Variants in C22orf31 observed in about 807,000 individuals in gnomAD.
C22orf31 encodes uncharacterized protein C22orf31.
In C22orf31, 11 loss-of-function variants were observed where a neutral mutation model predicts 15.0. The observed-to-expected ratio is 0.73, with a 90% CI of 0.46 to 1.21. The LOEUF is 1.21. Among genes scored for constraint, C22orf31 ranks in the 50% most tolerant of loss-of-function variants. The pLI, the probability that C22orf31 is intolerant of heterozygous loss-of-function variation, is 0.00. For synonymous variants in C22orf31, 132 were observed against 133.3 expected, an observed-to-expected ratio of 0.99 and a Z score of 0.07; for missense variants, 340 against 347.2, an observed-to-expected ratio of 0.98 and a Z score of 0.17.
intron 1 of C22orf31, 75 bp from the exon 2 acceptor site, chr22:29,060,918 G>T: frequency 8.1e-7 from 1 of 1,232,534 alleles, no homozygotes; most frequent in Non-Finnish European, 1.1e-6. Flanking sequence ...CTACTTTGAA[G>T]GCAAAATATT....
At chr22:29,066,745 G>A (rs1331332558), upstream of C22orf31, among the ~76,000 whole-genome samples, 2 of 151,398 alleles carry the variant, frequency 1.3e-5, no homozygotes, top group Admixed American at 1.3e-4. Context: ...ATTTTTAGTA[G>A]AGACAGGGTT....
chr22:29,064,978 C>T (rs375547418), upstream of C22orf31, among the ~76,000 whole-genome samples: 94 of 152,044 alleles, frequency 6.2e-4, 1 homozygote, highest in Middle Eastern at 0.014. Context: ...CTCAGCCTCC[C>T]GAGTAGCTGA....
chr22:29,062,272 C>T (rs1302140967), upstream of C22orf31, among the ~76,000 whole-genome samples: 1 of 152,030 alleles, frequency 6.6e-6, no homozygotes, highest in Non-Finnish European at 1.5e-5. Context: ...TGCAAAAGTG[C>T]CCTCCTTCAT....
At chr22:29,070,988 T>G in the C22orf31 span, among the ~76,000 whole-genome samples, 2 of 152,214 alleles carry the variant, frequency 1.3e-5, no homozygotes, top group African/African-American at 4.8e-5. Context: ...TGCTTTGGGC[T>G]GAGAGCTTCA....
chr22:29,066,402 T>C (rs1357687492), upstream of C22orf31, among the ~76,000 whole-genome samples: 7 of 152,300 alleles, frequency 4.6e-5, no homozygotes, highest in East Asian at 1.3e-3. Context: ...TTGGACCACA[T>C]GTGCTGAATA....
the C22orf31 span, among the ~76,000 whole-genome samples, chr22:29,071,770 CG>C: frequency 3.8e-4 from 57 of 151,876 alleles, no homozygotes; most frequent in Non-Finnish European, 6.9e-4. Context: ...GGGGTCGGGG[CG>C]GGGGGAGGCG....
At chr22:29,060,991 T>G (rs1417101295) in intron 1 of C22orf31, 148 bp from the exon 2 acceptor site, 1 of 647,710 alleles carries the variant, frequency 1.5e-6, no homozygotes, top group Admixed American at 3.0e-5. Context: ...TGTCCTCTCC[T>G]GTTCACCAAA....
At chr22:29,059,246 C>T (rs2037356037) in intron 2 of C22orf31, 64 bp from the exon 3 acceptor site, 1 of 1,248,722 alleles carries the variant, frequency 8.0e-7, no homozygotes, top group Non-Finnish European at 1.1e-6. Flanking sequence ...GAATAATTAT[C>T]TGGGATTTGT....
At chr22:29,071,196 GTGA>G in the C22orf31 span, among the ~76,000 whole-genome samples, 1 of 152,174 alleles carries the variant, frequency 6.6e-6, no homozygotes, top group African/African-American at 2.4e-5. Flanking sequence ...GGCTGGCTGG[GTGA>G]GGGGATGGTG....
chr22:29,059,132 C>T lies in C22orf31; in HGVS notation c.483G>A (p.Glu161=). ...CAGCCACATGTTCAGCATATCTGTCCTCAAGATCTTGGCGGACTGTTAGTT... is the reference window on the plus strand; with the variant it reads ...CAGCCACATGTTCAGCATATCTGTCTTCAAGATCTTGGCGGACTGTTAGTT... ...EKKLTVRQDL[E]DRYAEHVAAT... Residue 161 remains glutamate, a synonymous_variant, in exon 3 of 3, where the codon GAG becomes GAA. Coordinates refer to ENST00000216071, the MANE Select transcript of C22orf31 (RefSeq NM_015370.2). 5 of 1,613,568 alleles carry T rather than the reference C, an allele frequency of 3.1e-6. No individual in the cohort carries two copies. Among genetic ancestry groups the T allele is most frequent in the Non-Finnish European group, 4.2e-6 (5 of 1,179,810 alleles).
the C22orf31 span, among the ~76,000 whole-genome samples, chr22:29,071,798 C>T: frequency 2.0e-5 from 3 of 152,210 alleles, no homozygotes; most frequent in Non-Finnish European, 4.4e-5. Flanking sequence ...GGGCCTACCA[C>T]GCTGGGGCCG....
At chr22:29,061,876 C>CTCT, upstream of C22orf31, 1 of 1,118,860 alleles carries the variant, frequency 8.9e-7, no homozygotes, top group Non-Finnish European at 1.3e-6. Flanking sequence ...CTCTCTCTCT[C>CTCT]TTTTTTTTTG....
At chr22:29,066,978 C>T in the C22orf31 span, among the ~76,000 whole-genome samples, 1 of 152,162 alleles carries the variant, frequency 6.6e-6, no homozygotes, top group South Asian at 2.1e-4. Flanking sequence ...TCTTCCTTCA[C>T]CCCCATCAGA....
At chr22:29,061,429 G>A (rs1214456083) in intron 1 of C22orf31, among the ~76,000 whole-genome samples, 4 of 152,102 alleles carry the variant, frequency 2.6e-5, no homozygotes, top group Non-Finnish European at 5.9e-5. Flanking sequence ...ACCGCACCCA[G>A]CTGATGTTGT....
At position 29,060,578 on chromosome 22, in the gene C22orf31, C is replaced by A. The variant is rs918261236; in HGVS notation, c.269G>T (p.Cys90Phe). The A allele has an allele frequency of 8.1e-6, 13 of 1,614,166 alleles. No homozygotes were observed. Among genetic ancestry groups the A allele is most frequent in the Non-Finnish European group, 1.1e-5 (13 of 1,180,024 alleles). Reference sequence around the variant, plus strand: ...TTCTCCAAACTTGCATGGTGGTGGGCAGCACTTATTCTTCAGTTGCCGCCT... The same window carrying A: ...TTCTCCAAACTTGCATGGTGGTGGGAAGCACTTATTCTTCAGTTGCCGCCT... ...VLRRQLKNKCCPPPCKFGEGK... is the reference protein window; with the variant it reads ...VLRRQLKNKCFPPPCKFGEGK... The change falls in exon 2 of 3, where the codon TGC (cysteine) becomes TTC (phenylalanine). Residue 90 changes from cysteine (C) to phenylalanine (F), a missense_variant. Cys to Phe is a radical substitution (Grantham distance 205, BLOSUM62 -2). Transcript: ENST00000216071.
intron 2 of C22orf31, chr22:29,060,017 T>TTTTA: frequency 1.1e-6 from 1 of 890,310 alleles, no homozygotes; most frequent in Non-Finnish European, 1.3e-6. Context: ...TCTTTTTTTC[T>TTTTA]TTTCTTTTTT....
At chr22:29,068,619 C>A in the C22orf31 span, among the ~76,000 whole-genome samples, 2 of 151,592 alleles carry the variant, frequency 1.3e-5, no homozygotes, top group Admixed American at 6.6e-5. Context: ...ACCATGTTAG[C>A]CAGGATAGTC....
chr22:29,068,125 G>C, the C22orf31 span, among the ~76,000 whole-genome samples: 4 of 141,498 alleles, frequency 2.8e-5, no homozygotes, highest in African/African-American at 1.1e-4. Flanking sequence ...ACTCTTGCCT[G>C]GGTTGGAGGA....
At chr22:29,064,077 A>G (rs988248287), upstream of C22orf31, among the ~76,000 whole-genome samples, 1 of 152,106 alleles carries the variant, frequency 6.6e-6, no homozygotes, top group Non-Finnish European at 1.5e-5. Context: ...CATGTTGGCC[A>G]GGCTAGTCTC....
Sources: gnomAD v4.1 joint callset for allele counts (sites outside exome capture counted in the v4.1 genomes callset) on GRCh38, gnomAD v4.1.1 for gene constraint, MANE v1.5 for transcripts, NCBI Gene and HGNC (gene_info 2026-07-23, HGNC 2026-07-21) for gene names.